ZNF569: variants seen among roughly 807,000 people sequenced by gnomAD.
The protein encoded by ZNF569 is zinc finger protein 569, also known as DNA-binding protein.
ZNF569 carries 38 observed loss-of-function variants against 56.3 expected under a neutral mutation model. The observed-to-expected ratio is 0.68, with a 90% CI of 0.52 to 0.88. The LOEUF is 0.88. ZNF569 is among the 40% of genes least tolerant of loss of function. The pLI is 0.00. For missense variants in ZNF569, 666 were observed against 809.2 expected, an observed-to-expected ratio of 0.82 and a Z score of 2.15; for synonymous variants, 241 against 262.9, an observed-to-expected ratio of 0.92 and a Z score of 0.81.
At chr19:37,417,216 A>C (rs1341840346) in intron 5 of ZNF569, among the ~76,000 whole-genome samples, 2 of 152,114 alleles carry the variant, frequency 1.3e-5, no homozygotes, top group African/African-American at 2.4e-5. Flanking sequence ...GGCCCCACTG[A>C]CACCTTGATT....
intron 2 of ZNF569, among the ~76,000 whole-genome samples, chr19:37,447,056 C>T (rs1041291488): frequency 3.9e-5 from 6 of 152,152 alleles, no homozygotes; most frequent in Non-Finnish European, 8.8e-5. Flanking sequence ...CCATATGATA[C>T]TTCACTCCTG....
intron 3 of ZNF569, among the ~76,000 whole-genome samples, chr19:37,443,283 T>G (rs984849886): frequency 1.6e-4 from 25 of 152,066 alleles, no homozygotes; most frequent in Non-Finnish European, 2.8e-4. Flanking sequence ...GAGGCAGAGG[T>G]TGCAGTGAGC....
At chr19:37,421,671 T>C (rs967975000) in intron 5 of ZNF569, among the ~76,000 whole-genome samples, 22 of 152,108 alleles carry the variant, frequency 1.4e-4, no homozygotes, top group Admixed American at 1.2e-3. Flanking sequence ...CAACTAAAAC[T>C]TTCTCCCTAT....
intron 3 of ZNF569, among the ~76,000 whole-genome samples, chr19:37,438,499 C>A (rs369654962): frequency 1.3e-5 from 2 of 151,970 alleles, no homozygotes; most frequent in Non-Finnish European, 2.9e-5. Context: ...ACAGCGGTGC[C>A]GAGAAATATA....
intron 5 of ZNF569, 50 bp from the exon 6 acceptor site, chr19:37,414,469 G>A: frequency 6.6e-7 from 1 of 1,516,874 alleles, no homozygotes; most frequent in Non-Finnish European, 8.8e-7. Context: ...TTCCAATATT[G>A]TAATATGAAG....
chr19:37,435,736 T>C (rs1431486203), intron 3 of ZNF569, among the ~76,000 whole-genome samples: 1 of 152,012 alleles, frequency 6.6e-6, no homozygotes, highest in Non-Finnish European at 1.5e-5. Context: ...ACAAAAACTA[T>C]AAAAAGAGAC....
At chr19:37,437,532 T>A (rs2041330941) in intron 3 of ZNF569, among the ~76,000 whole-genome samples, 1 of 151,908 alleles carries the variant, frequency 6.6e-6, no homozygotes, top group Non-Finnish European at 1.5e-5. Context: ...AAAAAAGAAG[T>A]CAAATTATCC....
chr19:37,427,556 T>C (rs1488609136), intron 3 of ZNF569, among the ~76,000 whole-genome samples: 2 of 152,156 alleles, frequency 1.3e-5, no homozygotes, highest in Non-Finnish European at 2.9e-5. Context: ...AAGTCTCCAA[T>C]AGCTCGTTCA....
chr19:37,440,584 G>A (rs2041388229), intron 3 of ZNF569, among the ~76,000 whole-genome samples: 1 of 152,084 alleles, frequency 6.6e-6, no homozygotes, highest in African/African-American at 2.4e-5. Flanking sequence ...TGAATTTCAG[G>A]TAAAAAAATA....
rs980350192 is a variant in ZNF569, at chr19:37,411,679, T to C, written c.*918A>G. The C allele has an allele frequency of 2.0e-5, 3 of 152,180 alleles. No homozygotes were observed. The highest frequency in any genetic ancestry group is 6.5e-5 in the Admixed American group (1 of 15,278). 9.4% of individuals were successfully genotyped at this position (152,180 alleles called of 1,614,324 possible). A position where few individuals can be genotyped will look rare whatever the true frequency, so the allele number is the denominator to read the frequency against. ...AAATTTTGCTTTTTATATTCTGGTCTTTAGTTGGATTTTATTTTTGTATAT... is the reference window on the plus strand; with the variant it reads ...AAATTTTGCTTTTTATATTCTGGTCCTTAGTTGGATTTTATTTTTGTATAT... On this transcript the variant is annotated 3_prime_UTR_variant, in exon 6 of 6. Coordinates refer to ENST00000316950, the MANE Select transcript of ZNF569 (RefSeq NM_152484.3).
intron 2 of ZNF569, among the ~76,000 whole-genome samples, chr19:37,451,973 G>A (rs970538527): frequency 1.3e-5 from 2 of 152,108 alleles, no homozygotes; most frequent in African/African-American, 4.8e-5. Flanking sequence ...TTTGTTAGTT[G>A]CTTTATGTTA....
rs147899208 is a variant in ZNF569 at position 37,438,055 on chromosome 19, C to T, written c.15+6852G>A. ...AGAAAAAACTGGAGGAGCCTGACTTCAAATTATACTACAAAACTACAGTAA... is the reference window on the plus strand; with the variant it reads ...AGAAAAAACTGGAGGAGCCTGACTTTAAATTATACTACAAAACTACAGTAA... On this transcript the variant is annotated intron_variant, in intron 3 of 5. Coordinates refer to ENST00000316950, the MANE Select transcript of ZNF569 (RefSeq NM_152484.3). 5.5e-3 allele frequency among the ~76,000 whole-genome samples: 780 copies of T among 142,948 alleles called. 9 individuals carry two copies. The highest frequency in any genetic ancestry group is 0.017 in the African/African-American group (692 of 40,850). 93.8% of individuals were successfully genotyped at this position (142,948 alleles called of 152,430 possible).
chr19:37,456,932 C>T (rs2041679716), intron 2 of ZNF569, among the ~76,000 whole-genome samples: 1 of 150,078 alleles, frequency 6.7e-6, no homozygotes, highest in South Asian at 2.1e-4. Context: ...CGCGCCATTG[C>T]ACTCCAGCCT....
At chr19:37,434,819 T>A (rs1164429367) in intron 3 of ZNF569, among the ~76,000 whole-genome samples, 1 of 152,230 alleles carries the variant, frequency 6.6e-6, no homozygotes, top group East Asian at 1.9e-4. Context: ...ATGTACTTTG[T>A]GAAATCCACC....
Position 37,411,271 on chromosome 19 carries a change from C to T in ZNF569, c.*1326G>A, listed in dbSNP as rs1351530229. ...CATATATGGATCCATGACCAATACA[C>T]AGTACTGTTCTTTGCAAGATCTTAT... On this transcript the variant is annotated 3_prime_UTR_variant, in exon 6 of 6. Coordinates refer to ENST00000316950, the MANE Select transcript of ZNF569 (RefSeq NM_152484.3). The T allele has an allele frequency of 1.3e-5, 2 of 152,170 alleles. No individual in the cohort carries two copies. Among genetic ancestry groups the T allele is most frequent in the Admixed American group, 1.3e-4 (2 of 15,276 alleles). The allele number at this position is 152,170 out of a possible 1,614,324, so 9.4% of individuals were successfully genotyped here. A position where few individuals can be genotyped will look rare whatever the true frequency, so the allele number is the denominator to read the frequency against.
At chr19:37,432,847 T>C (rs1053917756) in intron 3 of ZNF569, among the ~76,000 whole-genome samples, 1 of 148,488 alleles carries the variant, frequency 6.7e-6, no homozygotes, top group East Asian at 2.0e-4. Context: ...TTCAAAAGAA[T>C]AGAGCCGAAA....
intron 2 of ZNF569, among the ~76,000 whole-genome samples, chr19:37,446,277 T>C (rs2041492401): frequency 6.6e-6 from 1 of 152,082 alleles, no homozygotes; most frequent in Admixed American, 6.6e-5. Flanking sequence ...GGGCCAGGTG[T>C]GGTGGCTCAC....
chr19:37,419,596 C>T (rs1051595823), intron 5 of ZNF569, among the ~76,000 whole-genome samples: 3 of 151,824 alleles, frequency 2.0e-5, no homozygotes, highest in African/African-American at 4.8e-5. Flanking sequence ...TGGTGGCAGG[C>T]GCCTGTAATC....
chr19:37,419,081 G>A (rs1008957298), intron 5 of ZNF569, among the ~76,000 whole-genome samples: 4 of 151,988 alleles, frequency 2.6e-5, no homozygotes, highest in Non-Finnish European at 5.9e-5. Flanking sequence ...TAAGCTTCTT[G>A]GCCATATTTA....
Sources: gnomAD v4.1 joint callset for allele counts (sites outside exome capture counted in the v4.1 genomes callset) on GRCh38, gnomAD v4.1.1 for gene constraint, MANE v1.5 for transcripts, NCBI Gene and HGNC (gene_info 2026-07-23, HGNC 2026-07-21) for gene names.